DCAF1: variants seen among roughly 807,000 people sequenced by gnomAD.
The protein encoded by DCAF1 is DDB1- and CUL4-associated factor 1.
Under a neutral mutation model 128.0 loss-of-function variants are expected in DCAF1, and 15 were observed. The ratio of observed to expected loss-of-function variants is 0.12; its 90% CI spans 0.08 to 0.18. The LOEUF is 0.18. DCAF1 is among the 10% of genes least tolerant of loss of function. The probability of loss-of-function intolerance (pLI) is 1.00; values close to 1 mark genes in which losing one functional copy is unlikely to be tolerated. For synonymous variants in DCAF1, 610 were observed against 603.0 expected, an observed-to-expected ratio of 1.01 and a Z score of -0.17; for missense variants, 988 against 1,649.5, an observed-to-expected ratio of 0.60 and a Z score of 6.95.
At chr3:51,488,415 C>A (rs370230582) in intron 2 of DCAF1, among the ~76,000 whole-genome samples, 1 of 152,186 alleles carries the variant, frequency 6.6e-6, no homozygotes, top group Non-Finnish European at 1.5e-5. Context: ...ACATGGCTCA[C>A]GCCTGTAATC....
chr3:51,459,230 A>C (rs1168542851), intron 6 of DCAF1, among the ~76,000 whole-genome samples: 4 of 152,284 alleles, frequency 2.6e-5, no homozygotes, highest in Admixed American at 6.5e-5. Flanking sequence ...GGGATATCAC[A>C]ACCGATCCCA....
chr3:51,494,268 C>A (rs1025241820), intron 2 of DCAF1, among the ~76,000 whole-genome samples: 6 of 151,718 alleles, frequency 4.0e-5, no homozygotes, highest in African/African-American at 1.5e-4. Flanking sequence ...GCACCGGCCA[C>A]CACACCCGGC....
At chr3:51,482,230 A>C (rs1216592956) in intron 3 of DCAF1, among the ~76,000 whole-genome samples, 1 of 151,580 alleles carries the variant, frequency 6.6e-6, no homozygotes, top group Admixed American at 6.6e-5. Context: ...GGATTGCTTG[A>C]GCCCAGATGT....
At chr3:51,446,192 A>G (rs1701836476) in intron 6 of DCAF1, among the ~76,000 whole-genome samples, 1 of 151,872 alleles carries the variant, frequency 6.6e-6, no homozygotes, top group Admixed American at 6.6e-5. Flanking sequence ...ACGGGGTTTC[A>G]CCATGTTGGC....
At chr3:51,458,801 C>G (rs1337610308) in intron 6 of DCAF1, among the ~76,000 whole-genome samples, 1 of 152,184 alleles carries the variant, frequency 6.6e-6, no homozygotes, top group Non-Finnish European at 1.5e-5. Flanking sequence ...GAACAACCTG[C>G]TCCTGAATGA....
chr3:51,422,420 A>G lies in DCAF1; in HGVS notation c.1859T>C (p.Val620Ala). Residue 620 changes from valine to alanine, a missense_variant, in exon 14 of 25, where the codon GTG (valine) becomes GCG (alanine). Transcript: ENST00000684031. The part of the protein sequence containing the change: ...WKTYYARNDT[V>A]RFALDVLAIL... ...AGCCAGGACATCCAAAGCAAAGCGC[A>G]CAGTGTCATTCCTGGACAGGAAGAA... 1 of 723,770 alleles carries G rather than the reference A, an allele frequency of 1.4e-6. No homozygotes were observed. Among genetic ancestry groups the G allele is most frequent in the South Asian group, 1.5e-5 (1 of 67,802 alleles). The allele number at this position is 723,770 out of a possible 1,614,324, so 44.8% of individuals were successfully genotyped here. A position where few individuals can be genotyped will look rare whatever the true frequency, so the allele number is the denominator to read the frequency against.
intron 6 of DCAF1, among the ~76,000 whole-genome samples, chr3:51,456,728 G>A (rs572386360): frequency 3.8e-4 from 58 of 152,298 alleles, no homozygotes; most frequent in South Asian, 2.3e-3. Context: ...CCAGAGGAAC[G>A]ATCAGGCAGC....
intron 3 of DCAF1, among the ~76,000 whole-genome samples, chr3:51,477,431 C>G (rs1162066930): frequency 3.3e-5 from 5 of 151,366 alleles, no homozygotes; most frequent in African/African-American, 4.9e-5. Flanking sequence ...AACTGACCAG[C>G]CTGGGCAACC....
In DCAF1 at chr3:51,420,163, G is replaced by A. The variant is rs782330116; in HGVS notation, c.2807C>T (p.Pro936Leu). 1 of 1,614,030 alleles carries A rather than the reference G, an allele frequency of 6.2e-7. No homozygotes were observed. ...APTAHPQPRP[P>L]QGPLALPGPS... is the part of the protein sequence containing the mutation. The stretch of plus-strand genomic sequence containing the variant: ...GCCGGGCAGAGCTAGCGGACCCTGG[G>A]GGGGCCGTGGCTGAGGATGAGCAGT... Residue 936 changes from proline to leucine, a missense_variant, in exon 15 of 25, where the codon CCC becomes CTC. Coordinates refer to ENST00000684031, the MANE Select transcript of DCAF1 (RefSeq NM_001387579.1). The surrounding 1 kb of genome is among the most constrained non-coding windows in gnomAD (Gnocchi z 6.5).
intron 2 of DCAF1, among the ~76,000 whole-genome samples, chr3:51,486,748 C>T (rs1474066954): frequency 1.3e-5 from 2 of 151,690 alleles, no homozygotes; most frequent in Admixed American, 6.6e-5. Context: ...ATTCTTCTGC[C>T]TCAGTCTCCC....
intron 4 of DCAF1, among the ~76,000 whole-genome samples, chr3:51,469,801 A>T (rs1383878898): frequency 2.6e-5 from 4 of 151,028 alleles, no homozygotes; most frequent in Non-Finnish European, 5.9e-5. Context: ...CGGGTGGATC[A>T]CTTGAGGTCA....
chr3:51,438,066 T>C (rs1440121261), intron 9 of DCAF1: 2 of 437,330 alleles, frequency 4.6e-6, no homozygotes, highest in African/African-American at 2.0e-5. Context: ...TATTACATAT[T>C]CATTCATTCT....
At position 51,420,995 on chromosome 3, in the gene DCAF1, T is replaced by C. The variant is rs782271865; in HGVS notation, c.1975A>G (p.Ile659Val). ...EAGSTVSTVG[I>V]SIILGVAEGE... ...TCAGCCACTCCCAAAATAATGCTGATACCTAATGGGAAAAAAAATTATGTA... is the reference window on the plus strand; with the variant it reads ...TCAGCCACTCCCAAAATAATGCTGACACCTAATGGGAAAAAAAATTATGTA... The change falls in exon 15 of 25, where the codon ATC becomes GTC. Residue 659 changes from isoleucine (I) to valine (V), a missense_variant and splice_region_variant. By Grantham distance (29) the Ile-to-Val change is conservative (BLOSUM62 3). Transcript: ENST00000684031. The surrounding 1 kb of genome is among the most constrained non-coding windows in gnomAD (Gnocchi z 6.5). The C allele has an allele frequency of 6.0e-5, 97 of 1,604,856 alleles. No homozygotes were observed. The Admixed American group carries it at 1.6e-3, about 26-fold the overall frequency.
chr3:51,475,323 C>A (rs1705300563), intron 3 of DCAF1, among the ~76,000 whole-genome samples: 1 of 152,084 alleles, frequency 6.6e-6, no homozygotes, highest in Non-Finnish European at 1.5e-5. Context: ...GCCTCTGGGC[C>A]AGGCACAGTG....
At chr3:51,504,346 T>TTTTA (rs781873723), upstream of DCAF1, among the ~76,000 whole-genome samples, 31 of 151,542 alleles carry the variant, frequency 2.0e-4, no homozygotes, top group African/African-American at 5.8e-4. Flanking sequence ...ACCCCTGAAC[T>TTTTA]TTTATTTATT....
intron 24 of DCAF1, among the ~76,000 whole-genome samples, chr3:51,400,512 G>A (rs781924295): frequency 1.3e-5 from 2 of 152,170 alleles, no homozygotes; most frequent in Non-Finnish European, 2.9e-5. Flanking sequence ...GCAGCTTAAC[G>A]AGGTCACAGC....
At chr3:51,411,059 G>A (rs1553628297) in intron 23 of DCAF1, among the ~76,000 whole-genome samples, 4 of 151,962 alleles carry the variant, frequency 2.6e-5, no homozygotes, top group Admixed American at 2.6e-4. Flanking sequence ...TACTCAGGAG[G>A]CTGAGGCAGG....
intron 6 of DCAF1, among the ~76,000 whole-genome samples, chr3:51,460,479 T>C (rs1176047150): frequency 3.9e-5 from 6 of 152,104 alleles, no homozygotes; most frequent in Non-Finnish European, 7.3e-5. Context: ...AAAATGGCCA[T>C]ACTGCCCAAG....
At chr3:51,418,909 G>C (rs1699141106) in intron 15 of DCAF1, 33 bp from the exon 16 acceptor site, 1 of 1,563,124 alleles carries the variant, frequency 6.4e-7, no homozygotes, top group African/African-American at 1.4e-5. Context: ...CACAGGCAAA[G>C]AATGTGCAGG....
Sources: allele counts gnomAD v4.1 joint callset (sites outside exome capture counted in the v4.1 genomes callset), GRCh38; gene constraint gnomAD v4.1.1; non-coding constraint Gnocchi (gnomAD v3.1); transcripts MANE v1.5; gene names NCBI Gene and HGNC (gene_info 2026-07-23, HGNC 2026-07-21).